The following MAPK9 variants were observed in gnomAD, a reference collection of about 807,000 sequenced individuals.
The protein encoded by MAPK9 is mitogen-activated protein kinase 9.
MAPK9 carries 30 observed loss-of-function variants against 57.1 expected under a neutral mutation model. The ratio of observed to expected loss-of-function variants is 0.53; its 90% CI spans 0.39 to 0.71. The LOEUF is 0.71. Ranked by LOEUF, MAPK9 falls within the 30% of genes least tolerant of loss-of-function variation. The pLI, the probability that MAPK9 is intolerant of heterozygous loss-of-function variation, is 0.00. For synonymous variants in MAPK9, 155 were observed against 177.0 expected (o/e 0.88, Z 0.99); for missense variants, 362 against 521.0 (o/e 0.69, Z 2.97).
At chr5:180,240,961 C>A in intron 9 of MAPK9, 70 bp downstream of exon 9, 2 of 1,513,544 alleles carry the variant, frequency 1.3e-6, no homozygotes, top group Admixed American at 2.1e-5. Flanking sequence ...CCACTCTGGA[C>A]GGACAGACAA....
intron 4 of MAPK9, among the ~76,000 whole-genome samples, chr5:180,264,069 C>T (rs988303712): frequency 1.3e-5 from 2 of 152,152 alleles, no homozygotes; most frequent in East Asian, 1.9e-4. Flanking sequence ...AGGTCTTTCC[C>T]CAGCCACCTT....
rs1758406518 is a variant in MAPK9, at chr5:180,249,024, G to A, written c.565C>T (p.Arg189Trp). ...NFMMTPYVVT[R>W]YYRAPEVILG... is the part of the protein sequence containing the mutation. ...ATGACTTCGGGCGCCCGGTAGTACC[G>A]TGTCACCACGTAAGGGGTCATCATG... is the stretch of plus-strand genomic sequence containing the variant. The change falls in exon 6 of 12, where the codon CGG becomes TGG. Residue 189 changes from arginine to tryptophan, a missense_variant. Around this residue, in one of 3 missense-constraint regions of MAPK9, gnomAD observed 127 missense variants for 231.7 expected, o/e 0.55. Coordinates refer to ENST00000452135, the MANE Select transcript of MAPK9 (RefSeq NM_002752.5). The A allele has an allele frequency of 6.2e-7, 1 of 1,613,786 alleles. No individual in the cohort carries two copies. Among genetic ancestry groups the A allele is most frequent in the Non-Finnish European group, 8.5e-7 (1 of 1,179,844 alleles).
intron 9 of MAPK9, among the ~76,000 whole-genome samples, chr5:180,240,589 C>A (rs35756592): frequency 6.6e-6 from 1 of 152,234 alleles, no homozygotes; most frequent in Non-Finnish European, 1.5e-5. Context: ...CACAGAAACA[C>A]GCACGTGAGC....
intron 2 of MAPK9, among the ~76,000 whole-genome samples, chr5:180,276,714 C>T (rs1470645939): frequency 6.6e-6 from 1 of 152,090 alleles, no homozygotes; most frequent in African/African-American, 2.4e-5. Context: ...ATTAGCTGGG[C>T]GTGGTGGCGC....
At chr5:180,245,234 T>C (rs573345561) in intron 7 of MAPK9, among the ~76,000 whole-genome samples, 7 of 152,222 alleles carry the variant, frequency 4.6e-5, no homozygotes, top group African/African-American at 1.4e-4. Flanking sequence ...CTAGCAAGGC[T>C]CCTTGAAGGG....
chr5:180,267,230 A>G (rs1216478279), intron 3 of MAPK9, among the ~76,000 whole-genome samples: 3 of 152,194 alleles, frequency 2.0e-5, no homozygotes, highest in Non-Finnish European at 4.4e-5. Context: ...TAAAAATAAT[A>G]TATATTTTTT....
chr5:180,238,021 C>T, intron 11 of MAPK9: 1 of 202,438 alleles, frequency 4.9e-6, no homozygotes, highest in East Asian at 1.5e-4. Context: ...CCTGTAATCC[C>T]ACCACTTTGG....
rs35534704 is a variant in MAPK9, at chr5:180,263,749, T to C, written c.311+1032A>G. 9.1e-3 allele frequency among the ~76,000 whole-genome samples: 1,249 copies of C among 136,946 alleles called. 24 individuals are homozygous for C. Among genetic ancestry groups the C allele is most frequent in the African/African-American group, 0.032 (1,180 of 36,562 alleles). The allele number at this position is 136,946 out of a possible 152,430, so 89.8% of individuals were successfully genotyped here. On this transcript the variant is annotated intron_variant, in intron 4 of 11. Coordinates refer to ENST00000452135, the MANE Select transcript of MAPK9 (RefSeq NM_002752.5). ...GAGACAGAGTCTTGCTCTGTCGCCC[T>C]GGCTGGAGTGCAGTGGTGCGATCTT...
At chr5:180,262,352 T>G (rs1293122516) in intron 4 of MAPK9, among the ~76,000 whole-genome samples, 1 of 143,036 alleles carries the variant, frequency 7.0e-6, no homozygotes, top group Non-Finnish European at 1.5e-5. Context: ...AACGCCCCGA[T>G]TCTTTGCTCC....
In MAPK9 at chr5:180,279,822, G is replaced by A. The variant is rs535237375; in HGVS notation, c.122+618C>T. The A allele has an allele frequency of 3.9e-4, 177 of 456,440 alleles. 1 individual carries two copies. The highest frequency in any genetic ancestry group is 3.3e-3 in the Admixed American group (139 of 42,566). 28.3% of individuals were successfully genotyped at this position (456,440 alleles called of 1,614,324 possible). The stretch of plus-strand genomic sequence containing the variant: ...TTGAGCTGGCCCGTGATGCTGCGGC[G>A]GCTGACCGTCTTACCATGCAAGAGA... On this transcript the variant is annotated intron_variant, in intron 2 of 11. Transcript: ENST00000452135.
At position 180,247,792 on chromosome 5, in the gene MAPK9, T is replaced by A. The variant is rs1758268731; in HGVS notation, c.617-282A>T. The stretch of plus-strand genomic sequence containing the variant: ...AAGAAGTGCCTGTGAACACAAAGCT[T>A]TTCAGGGCCACACGCCCACCCCAGC... On this transcript the variant is annotated intron_variant, in intron 6 of 11. Coordinates refer to ENST00000452135, the MANE Select transcript of MAPK9 (RefSeq NM_002752.5). This position sits in a 1 kb window ranked among gnomAD's most constrained non-coding sequence, Gnocchi z 4.5. 2 of 1,532,680 alleles carry A rather than the reference T, an allele frequency of 1.3e-6. No individual in the cohort carries two copies. Among genetic ancestry groups the A allele is most frequent in the East Asian group, 4.5e-5 (2 of 44,496 alleles). The allele number at this position is 1,532,680 out of a possible 1,614,324, so 94.9% of individuals were successfully genotyped here. A position where few individuals can be genotyped will look rare whatever the true frequency, so the allele number is the denominator to read the frequency against.
chr5:180,271,574 T>C (rs1042782348), intron 2 of MAPK9, among the ~76,000 whole-genome samples: 1 of 152,266 alleles, frequency 6.6e-6, no homozygotes, highest in Non-Finnish European at 1.5e-5. Context: ...GACTGTTCCA[T>C]CCCTTTCTCC....
At chr5:180,267,008 A>G (rs1309049321) in intron 3 of MAPK9, among the ~76,000 whole-genome samples, 1 of 152,188 alleles carries the variant, frequency 6.6e-6, no homozygotes. Context: ...CTATGCAACC[A>G]TTTAAAAACT....
Position 180,235,869 on chromosome 5 carries a change from G to T in MAPK9, c.*515C>A, listed in dbSNP as rs1290543802. 6.6e-6 allele frequency: 1 copy of T among 152,526 alleles called. No individual in the cohort carries two copies. Among genetic ancestry groups the T allele is most frequent in the African/African-American group, 2.4e-5 (1 of 41,410 alleles). The allele number at this position is 152,526 out of a possible 1,614,324, so 9.4% of individuals were successfully genotyped here. A position where few individuals can be genotyped will look rare whatever the true frequency, so the allele number is the denominator to read the frequency against. Reference sequence around the variant, plus strand: ...ATAGAATAAATCATAGCATAAAAGGGAATAAGATATGATAACATCATGATG... The same window carrying T: ...ATAGAATAAATCATAGCATAAAAGGTAATAAGATATGATAACATCATGATG... On this transcript the variant is annotated 3_prime_UTR_variant, in exon 12 of 12. Coordinates refer to ENST00000452135, the MANE Select transcript of MAPK9 (RefSeq NM_002752.5).
At chr5:180,284,129 T>C (rs1762537328) in intron 1 of MAPK9, among the ~76,000 whole-genome samples, 1 of 152,212 alleles carries the variant, frequency 6.6e-6, no homozygotes, top group Non-Finnish European at 1.5e-5. Context: ...TCAACTCTAT[T>C]GAGATGATAT....
At chr5:180,237,335 T>C (rs1393285284) in intron 11 of MAPK9, 1 of 152,216 alleles carries the variant, frequency 6.6e-6, no homozygotes, top group East Asian at 1.9e-4. Flanking sequence ...TGTGTGTGCA[T>C]GCTTCCCAGT....
intron 2 of MAPK9, among the ~76,000 whole-genome samples, chr5:180,272,518 C>T (rs768652651): frequency 6.6e-6 from 1 of 152,184 alleles, no homozygotes; most frequent in Non-Finnish European, 1.5e-5. Context: ...CCCTCCTGTC[C>T]ACCAGTGATA....
Position 180,236,355 on chromosome 5 carries a change from AT to A in MAPK9, c.*28del, listed in dbSNP as rs1757170842. ...GCCCACGGAGGTGAGAGTTCCTTCA[AT>A]GCTGACAGGTTTGCTATTTCTAACC... On this transcript the variant is annotated 3_prime_UTR_variant, in exon 12 of 12. Transcript: ENST00000452135. 1.9e-6 allele frequency: 3 copies of A among 1,582,206 alleles called. No individual in the cohort carries two copies. The highest frequency in any genetic ancestry group is 1.7e-4 in the Middle Eastern group (1 of 5,866).
intron 2 of MAPK9, among the ~76,000 whole-genome samples, chr5:180,276,630 C>T (rs1316269556): frequency 6.6e-6 from 1 of 152,162 alleles, no homozygotes; most frequent in Non-Finnish European, 1.5e-5. Context: ...CCAAGGTGGG[C>T]AGATCACGAG....
Sources: allele counts gnomAD v4.1 joint callset (sites outside exome capture counted in the v4.1 genomes callset), GRCh38; gene constraint gnomAD v4.1.1; regional missense constraint gnomAD v4.1.1; non-coding constraint Gnocchi (gnomAD v3.1); transcripts MANE v1.5; gene names NCBI Gene and HGNC (gene_info 2026-07-23, HGNC 2026-07-21).